WWP1: variants seen among roughly 807,000 people sequenced by gnomAD.
WWP1 encodes WW domain containing E3 ubiquitin protein ligase 1.
In WWP1, 49 loss-of-function variants were observed where a neutral mutation model predicts 130.6. The observed-to-expected ratio is 0.38, with a 90% confidence interval of 0.30 to 0.48. WWP1 has a LOEUF of 0.48. Ranked by LOEUF, WWP1 falls within the 20% of genes least tolerant of loss-of-function variation. The pLI is 0.99. For missense variants in WWP1, 809 were observed against 1,100.6 expected (o/e 0.74, Z 3.75); for synonymous variants, 332 against 367.8 (o/e 0.90, Z 1.11).
At chr8:86,401,104 T>C (rs956095459) in intron 7 of WWP1, among the ~76,000 whole-genome samples, 2 of 152,106 alleles carry the variant, frequency 1.3e-5, no homozygotes, top group African/African-American at 4.8e-5. Flanking sequence ...TTGTTAGTTA[T>C]TTATTTGCTG....
intron 1 of WWP1, among the ~76,000 whole-genome samples, chr8:86,362,757 T>A (rs995514021): frequency 6.6e-6 from 1 of 152,118 alleles, no homozygotes; most frequent in Non-Finnish European, 1.5e-5. Context: ...AAGGACTCAA[T>A]GCTAGACAAG....
chr8:86,461,476 GCA>G, intron 23 of WWP1, 156 bp downstream of exon 23: 2 of 677,884 alleles, frequency 3.0e-6, no homozygotes, highest in Non-Finnish European at 5.0e-6. Context: ...TAATATCAAA[GCA>G]CTTGTAAGAC....
In WWP1 at chr8:86,414,659, T is replaced by G. The variant is rs1351039775; in HGVS notation, c.1061+2785T>G. ...ACAACAGGATAGGACTATGGGTGCC[T>G]CAATCCTGTTGATTGTAATGTACAG... On this transcript the variant is annotated intron_variant, in intron 9 of 24. Transcript: ENST00000517970. 2.0e-5 allele frequency among the ~76,000 whole-genome samples: 3 copies of G among 152,322 alleles called. No individual in the cohort carries two copies. In the East Asian group the frequency reaches 5.8e-4, roughly 29 times the overall value.
intron 1 of WWP1, among the ~76,000 whole-genome samples, chr8:86,364,892 ATAAAG>A (rs1823881528): frequency 6.6e-6 from 1 of 152,110 alleles, no homozygotes; most frequent in South Asian, 2.1e-4. Flanking sequence ...AAGAGAGAAA[ATAAAG>A]TAAAATTAAA....
intron 9 of WWP1, among the ~76,000 whole-genome samples, chr8:86,418,014 A>C (rs570530442): frequency 1.3e-5 from 2 of 152,326 alleles, no homozygotes; most frequent in South Asian, 2.1e-4. Context: ...ATAAAAGTGG[A>C]TGAAGAGGCT....
rs1812246386 is a variant in WWP1 at position 86,467,569 on chromosome 8, T to TAAA, written c.*676_*677insAAA. The TAAA allele has an allele frequency of 2.6e-5, 4 of 152,392 alleles. No homozygotes were observed. Among genetic ancestry groups the TAAA allele is most frequent in the African/African-American group, 9.7e-5 (4 of 41,428 alleles). The allele number at this position is 152,392 out of a possible 1,614,324, so 9.4% of individuals were successfully genotyped here. A position where few individuals can be genotyped will look rare whatever the true frequency, so the allele number is the denominator to read the frequency against. On this transcript the variant is annotated 3_prime_UTR_variant, in exon 25 of 25. Transcript: ENST00000517970. The stretch of plus-strand genomic sequence containing the variant: ...AGTCATATACTAGATCCAATACTAT[T>TAAA]TAGTTTATTATCGAAATTGGAAGGA...
chr8:86,388,515 A>G (rs1399087276), intron 5 of WWP1, among the ~76,000 whole-genome samples: 1 of 152,038 alleles, frequency 6.6e-6, no homozygotes, highest in Non-Finnish European at 1.5e-5. Context: ...TTTGTCTTTT[A>G]TGTTTCCCCT....
chr8:86,355,056 T>C (rs1586242855), intron 1 of WWP1, among the ~76,000 whole-genome samples: 1 of 152,318 alleles, frequency 6.6e-6, no homozygotes, highest in Non-Finnish European at 1.5e-5. Flanking sequence ...AGTTTGCATG[T>C]AGGTCTGTCC....
In WWP1 at chr8:86,467,506, T is replaced by C. The variant is rs1216469651; in HGVS notation, c.*613T>C. 1 of 152,628 alleles carries C rather than the reference T, an allele frequency of 6.6e-6. No homozygotes were observed. The highest frequency in any genetic ancestry group is 1.9e-4 in the East Asian group (1 of 5,206). 9.5% of individuals were successfully genotyped at this position (152,628 alleles called of 1,614,324 possible). ...TTTTTCTCTGTTACATCAGTAATAT[T>C]GTTAAAGTAATGGATAGAACCATAA... is the stretch of plus-strand genomic sequence containing the variant. On this transcript the variant is annotated 3_prime_UTR_variant, in exon 25 of 25. Coordinates refer to ENST00000517970, the MANE Select transcript of WWP1 (RefSeq NM_007013.4).
intron 12 of WWP1, among the ~76,000 whole-genome samples, chr8:86,431,005 TATATA>T (rs1276964606): frequency 7.2e-5 from 10 of 138,788 alleles, no homozygotes; most frequent in Admixed American, 3.0e-4. Flanking sequence ...TTAAATATAT[TATATA>T]TTATAAGGGA....
intron 9 of WWP1, among the ~76,000 whole-genome samples, chr8:86,422,278 A>G (rs976946291): frequency 6.6e-6 from 1 of 151,860 alleles, no homozygotes; most frequent in Non-Finnish European, 1.5e-5. Context: ...ATTGTATTTT[A>G]AAATTGAAAA....
intron 9 of WWP1, among the ~76,000 whole-genome samples, chr8:86,423,246 T>C (rs1809337484): frequency 6.6e-6 from 1 of 152,094 alleles, no homozygotes; most frequent in Non-Finnish European, 1.5e-5. Context: ...TTTTTTTAAT[T>C]GATCATTCTT....
At chr8:86,459,841 C>T (rs1430514032) in intron 22 of WWP1, among the ~76,000 whole-genome samples, 2 of 152,158 alleles carry the variant, frequency 1.3e-5, no homozygotes, top group African/African-American at 4.8e-5. Flanking sequence ...CAAATGAATA[C>T]TTCTGTTTTC....
chr8:86,352,437 C>A, intron 1 of WWP1, among the ~76,000 whole-genome samples: 1 of 152,062 alleles, frequency 6.6e-6, no homozygotes, highest in East Asian at 1.9e-4. Flanking sequence ...GTTGGCCAGG[C>A]TGGTCTCGAA....
intron 10 of WWP1, 21 bp downstream of exon 10, chr8:86,425,339 C>T (rs370932199): frequency 1.4e-5 from 21 of 1,553,490 alleles, no homozygotes; most frequent in Non-Finnish European, 1.8e-5. Flanking sequence ...ACTCTTTATG[C>T]ATTTGTAATT....
chr8:86,401,978 ATTATAC>A (rs1463256148), intron 7 of WWP1, 35 bp from the exon 8 acceptor site: 4 of 1,443,606 alleles, frequency 2.8e-6, no homozygotes, highest in East Asian at 2.6e-5. Context: ...ATGTTGTTGA[ATTATAC>A]TTAAATGATT....
intron 9 of WWP1, among the ~76,000 whole-genome samples, chr8:86,413,363 G>A (rs908694963): frequency 2.6e-5 from 4 of 152,054 alleles, no homozygotes; most frequent in Non-Finnish European, 5.9e-5. Flanking sequence ...TGTTCTTACT[G>A]TCAAGAACCT....
chr8:86,424,212 G>T (rs1424663446), intron 9 of WWP1, among the ~76,000 whole-genome samples: 1 of 151,230 alleles, frequency 6.6e-6, no homozygotes, highest in Non-Finnish European at 1.5e-5. Flanking sequence ...AGACGGGGCG[G>T]CGGGGCAGAG....
chr8:86,403,592 G>T (rs182216249), intron 8 of WWP1, among the ~76,000 whole-genome samples: 1 of 152,284 alleles, frequency 6.6e-6, no homozygotes, highest in East Asian at 1.9e-4. Flanking sequence ...ACCGTGCCTG[G>T]ACAGTAATAA....
Sources: gnomAD v4.1 joint callset for allele counts (sites outside exome capture counted in the v4.1 genomes callset) on GRCh38, gnomAD v4.1.1 for gene constraint, MANE v1.5 for transcripts, NCBI Gene and HGNC (gene_info 2026-07-23, HGNC 2026-07-21) for gene names.